MAP3K2: variants seen among roughly 807,000 people sequenced by gnomAD.
MAP3K2 encodes mitogen-activated protein kinase kinase kinase 2, also known as MAP/ERK kinase kinase 2.
Under a neutral mutation model 80.3 loss-of-function variants are expected in MAP3K2, and 24 were observed. The ratio of observed to expected loss-of-function variants is 0.30; its 90% CI spans 0.22 to 0.42. MAP3K2 has a LOEUF of 0.42. MAP3K2 is among the 10% of genes least tolerant of loss of function. The pLI, the probability that MAP3K2 is intolerant of heterozygous loss-of-function variation, is 1.00. For missense variants in MAP3K2, 608 were observed against 750.1 expected (o/e 0.81, Z 2.21); for synonymous variants, 244 against 253.7 (o/e 0.96, Z 0.36).
chr2:127,322,174 T>C lies in MAP3K2; in HGVS notation c.917A>G (p.His306Arg), dbSNP rs777944870. ...GCTTCCACTACTAGTGCTTAAGGAATGATCAGTAGGACTGAAACTCACAGG... is the reference window on the plus strand; with the variant it reads ...GCTTCCACTACTAGTGCTTAAGGAACGATCAGTAGGACTGAAACTCACAGG... ...RSPVSFSPTD[H>R]SLSTSSGSSI... Residue 306 changes from histidine to arginine, a missense_variant, in exon 12 of 17, where the codon CAT (histidine) becomes CGT (arginine). Transcript: ENST00000682094. This position sits in a 1 kb window ranked among gnomAD's most constrained non-coding sequence, Gnocchi z 4.2. 1 of 1,614,010 alleles carries C rather than the reference T, an allele frequency of 6.2e-7. No homozygotes were observed. Among genetic ancestry groups the C allele is most frequent in the Non-Finnish European group, 8.5e-7 (1 of 1,179,866 alleles).
intron 2 of MAP3K2, among the ~76,000 whole-genome samples, chr2:127,341,285 G>A (rs973648090): frequency 4.2e-4 from 63 of 151,604 alleles, no homozygotes; most frequent in Non-Finnish European, 5.4e-4. Flanking sequence ...CACTGCACCC[G>A]GCCTACTTAT....
At chr2:127,332,371 C>CT (rs1318247831) in intron 5 of MAP3K2, among the ~76,000 whole-genome samples, 2 of 152,202 alleles carry the variant, frequency 1.3e-5, no homozygotes, top group African/African-American at 4.8e-5. Context: ...GATACTGCTA[C>CT]TTTTGGGGGA....
intron 1 of MAP3K2, among the ~76,000 whole-genome samples, chr2:127,354,569 A>C (rs1686765138): frequency 6.6e-6 from 1 of 152,120 alleles, no homozygotes; most frequent in Non-Finnish European, 1.5e-5. Flanking sequence ...ATTATGCTAA[A>C]CTAAATGCTA....
intron 1 of MAP3K2, among the ~76,000 whole-genome samples, chr2:127,375,402 A>ATT (rs1687133297): frequency 6.9e-6 from 1 of 145,480 alleles, no homozygotes; most frequent in Admixed American, 6.8e-5. Flanking sequence ...CTTTATTATT[A>ATT]TTTATTTATT....
chr2:127,387,001 T>A (rs879783780), intron 1 of MAP3K2, among the ~76,000 whole-genome samples: 1 of 152,138 alleles, frequency 6.6e-6, no homozygotes, highest in African/African-American at 2.4e-5. Flanking sequence ...AGATAATGCA[T>A]GACAACTGCC....
rs1685681577 is a variant in MAP3K2 at position 127,305,656 on chromosome 2, A to G, written c.*1923T>C. 6.6e-6 allele frequency: 1 copy of G among 152,156 alleles called. No homozygotes were observed. 9.4% of individuals were successfully genotyped at this position (152,156 alleles called of 1,614,324 possible). On this transcript the variant is annotated 3_prime_UTR_variant, in exon 17 of 17. Coordinates refer to ENST00000682094, the MANE Select transcript of MAP3K2 (RefSeq NM_001371910.2). ...AAGGGATTCTGGGGCCTCCAGGAAG[A>G]CTGTTGTTTTCTAGACCTTTAAAAT...
chr2:127,380,366 T>C (rs1326493905), intron 1 of MAP3K2, among the ~76,000 whole-genome samples: 1 of 152,346 alleles, frequency 6.6e-6, no homozygotes, highest in South Asian at 2.1e-4. Flanking sequence ...CGATAAAATA[T>C]ATTAAACTAT....
intron 1 of MAP3K2, among the ~76,000 whole-genome samples, chr2:127,372,560 CT>C (rs1238996440): frequency 6.6e-6 from 1 of 152,182 alleles, no homozygotes; most frequent in African/African-American, 2.4e-5. Flanking sequence ...CACGTGCCCC[CT>C]AACCTGTTGC....
intron 1 of MAP3K2, among the ~76,000 whole-genome samples, chr2:127,383,204 G>A (rs545125384): frequency 7.2e-5 from 11 of 152,260 alleles, no homozygotes; most frequent in Middle Eastern, 3.4e-3. Context: ...CTCCCACCAG[G>A]CCCCACTTCC....
chr2:127,365,713 A>G (rs1686961134), intron 1 of MAP3K2, among the ~76,000 whole-genome samples: 1 of 152,176 alleles, frequency 6.6e-6, no homozygotes, highest in African/African-American at 2.4e-5. Flanking sequence ...CCACTCCAGT[A>G]GCTGGGCATA....
rs1009460494 is a variant in MAP3K2, at chr2:127,306,051, G to A, written c.*1528C>T. The A allele has an allele frequency of 4.0e-5, 6 of 151,794 alleles. No individual in the cohort carries two copies. Among genetic ancestry groups the A allele is most frequent in the Non-Finnish European group, 7.4e-5 (5 of 67,962 alleles). The allele number at this position is 151,794 out of a possible 1,614,324, so 9.4% of individuals were successfully genotyped here. On this transcript the variant is annotated 3_prime_UTR_variant, in exon 17 of 17. Coordinates refer to ENST00000682094, the MANE Select transcript of MAP3K2 (RefSeq NM_001371910.2). This position sits in a 1 kb window ranked among gnomAD's most constrained non-coding sequence, Gnocchi z 4.7. ...TCCTAAAATGAAGAGTTACCTATGT[G>A]GGTGCAATATGCAGCTGGTAAAGTG...
intron 1 of MAP3K2, among the ~76,000 whole-genome samples, chr2:127,355,660 T>C (rs1050387571): frequency 1.3e-5 from 2 of 152,104 alleles, no homozygotes; most frequent in African/African-American, 2.4e-5. Flanking sequence ...TTGCTGAAGG[T>C]TGGGGTGACT....
At chr2:127,374,197 G>A (rs1687113379) in intron 1 of MAP3K2, among the ~76,000 whole-genome samples, 1 of 152,198 alleles carries the variant, frequency 6.6e-6, no homozygotes, top group Admixed American at 6.5e-5. Flanking sequence ...GATATTGTTA[G>A]TGACTCTGCT....
At chr2:127,372,901 C>A (rs535653000) in intron 1 of MAP3K2, among the ~76,000 whole-genome samples, 2 of 152,324 alleles carry the variant, frequency 1.3e-5, no homozygotes, top group East Asian at 1.9e-4. Context: ...GACTTTTGCA[C>A]GACTTATGTG....
intron 1 of MAP3K2, among the ~76,000 whole-genome samples, chr2:127,386,750 T>C (rs1343834137): frequency 2.6e-5 from 4 of 152,218 alleles, no homozygotes; most frequent in Admixed American, 2.6e-4. Flanking sequence ...TGTATCTGTC[T>C]ATGTGTTTAG....
In MAP3K2 at chr2:127,381,706, A is replaced by C. The variant is rs527722671; in HGVS notation, c.-66+5746T>G. On this transcript the variant is annotated intron_variant, in intron 1 of 16. Coordinates refer to ENST00000682094, the MANE Select transcript of MAP3K2 (RefSeq NM_001371910.2). ...CAGTGAGAAAAATATACCTCACCTT[A>C]CTCCTCTCAACCAAGCAATCAAACT... is the stretch of plus-strand genomic sequence containing the variant. Among the ~76,000 whole-genome samples the C allele has an allele frequency of 3.2e-3, 487 of 152,170 alleles. 4 individuals are homozygous for C. Among genetic ancestry groups the C allele is most frequent in the African/African-American group, 0.011 (452 of 41,502 alleles).
intron 1 of MAP3K2, among the ~76,000 whole-genome samples, chr2:127,344,363 T>C (rs1189991253): frequency 6.6e-6 from 1 of 151,922 alleles, no homozygotes; most frequent in Non-Finnish European, 1.5e-5. Context: ...ATTTTAAAAA[T>C]TGTTGGCTAG....
In MAP3K2 at chr2:127,343,172, C is replaced by T. The variant is rs1573994225; in HGVS notation, c.-43G>A. On this transcript the variant is annotated 5_prime_UTR_variant, in exon 2 of 17. Transcript: ENST00000682094. ...CAATTTGAAAATTAGGAAAATGGTT[C>T]TCCCATCAGCATTCTTTATGGCCTG... is the stretch of plus-strand genomic sequence containing the variant. The T allele has an allele frequency of 2.0e-6, 3 of 1,521,710 alleles. No individual in the cohort carries two copies. Among genetic ancestry groups the T allele is most frequent in the Non-Finnish European group, 2.7e-6 (3 of 1,120,000 alleles). The allele number at this position is 1,521,710 out of a possible 1,614,324, so 94.3% of individuals were successfully genotyped here.
Position 127,322,922 on chromosome 2 carries a change from G to T in MAP3K2, c.839-670C>A, listed in dbSNP as rs555034021. Reference sequence around the variant, plus strand: ...TAATTTTTTTTCTTAAAGGGATGATGTAAGTATCAATCTCATCATCAAAGA... The same window carrying T: ...TAATTTTTTTTCTTAAAGGGATGATTTAAGTATCAATCTCATCATCAAAGA... On this transcript the variant is annotated intron_variant, in intron 11 of 16. Transcript: ENST00000682094. This position sits in a 1 kb window ranked among gnomAD's most constrained non-coding sequence, Gnocchi z 4.2. Among the ~76,000 whole-genome samples, 1 of 151,128 alleles carries T rather than the reference G, an allele frequency of 6.6e-6. No homozygotes were observed. Among genetic ancestry groups the T allele is most frequent in the African/African-American group, 2.4e-5 (1 of 41,252 alleles).
Sources: gnomAD v4.1 joint callset for allele counts (sites outside exome capture counted in the v4.1 genomes callset) on GRCh38, gnomAD v4.1.1 for gene constraint, Gnocchi (gnomAD v3.1) non-coding constraint, MANE v1.5 for transcripts, NCBI Gene and HGNC (gene_info 2026-07-23, HGNC 2026-07-21) for gene names.